CFAP161: variants seen among roughly 807,000 people sequenced by gnomAD.
CFAP161 encodes the protein cilia- and flagella-associated protein 161.
In CFAP161, 25 loss-of-function variants were observed where a neutral mutation model predicts 29.0. The observed-to-expected ratio is 0.86, with a 90% CI of 0.63 to 1.20. The LOEUF is 1.20. Ranked by LOEUF, CFAP161 falls within the 50% of genes most tolerant of loss-of-function variation. The pLI, the probability that CFAP161 is intolerant of heterozygous loss-of-function variation, is 0.00. For synonymous variants in CFAP161, 116 were observed against 137.4 expected, an observed-to-expected ratio of 0.84 and a Z score of 1.09; for missense variants, 367 against 371.9, an observed-to-expected ratio of 0.99 and a Z score of 0.11.
Position 81,149,098 on chromosome 15 carries a change from T to C in CFAP161, c.*565T>C, listed in dbSNP as rs1158379535. 2 of 152,272 alleles carry C rather than the reference T, an allele frequency of 1.3e-5. No individual in the cohort carries two copies. The highest frequency in any genetic ancestry group is 1.3e-4 in the Admixed American group (2 of 15,288). 9.4% of individuals were successfully genotyped at this position (152,272 alleles called of 1,614,324 possible). On this transcript the variant is annotated 3_prime_UTR_variant, in exon 7 of 7. Coordinates refer to ENST00000286732, the MANE Select transcript of CFAP161 (RefSeq NM_173528.4). The stretch of plus-strand genomic sequence containing the variant: ...TTTTTAAGCTGCAGAATCTCTACCT[T>C]GTCTTTGAAACTGGCACATTAGTTG...
upstream of CFAP161, among the ~76,000 whole-genome samples, chr15:81,133,709 G>A (rs1220373700): frequency 6.6e-6 from 1 of 152,080 alleles, no homozygotes; most frequent in African/African-American, 2.4e-5. Flanking sequence ...AGGGAGGGAG[G>A]GAGGATGCTG....
At chr15:81,126,159 A>T (rs1377000789) in intron 1 of CFAP161, among the ~76,000 whole-genome samples, 4 of 152,178 alleles carry the variant, frequency 2.6e-5, no homozygotes, top group African/African-American at 7.2e-5. Flanking sequence ...GCGAGCCACC[A>T]TGCCCGGCCA....
rs1385270913 is a variant in CFAP161, at chr15:81,146,878, A to T, written c.637-980A>T. ...TATATATATATATATATATATATAT[A>T]TATATTTAAAAAGCTACATACATCC... On this transcript the variant is annotated intron_variant, in intron 5 of 6. Transcript: ENST00000286732. Among the ~76,000 whole-genome samples the T allele has an allele frequency of 1.5e-4, 16 of 103,500 alleles. 1 individual carries two copies. The highest frequency in any genetic ancestry group is 5.9e-4 in the African/African-American group (15 of 25,336). The allele number at this position is 103,500 out of a possible 152,430, so 67.9% of individuals were successfully genotyped here.
At position 81,147,875 on chromosome 15, in the gene CFAP161, C is replaced by T. The variant is rs1235040017; in HGVS notation, c.654C>T (p.Leu218=). ...CTGTTAAGGCAAATGCTAAAATTCT[C>T]ATCAATCACTGTCACACAAATCGGG... ...GFPVPANAKI[L]INHCHTNRGL... is the part of the protein sequence containing the mutation. The change falls in exon 6 of 7, where the codon CTC becomes CTT. Residue 218 remains leucine (L), a synonymous_variant. Coordinates refer to ENST00000286732, the MANE Select transcript of CFAP161 (RefSeq NM_173528.4). 2.5e-6 allele frequency: 4 copies of T among 1,609,382 alleles called. No individual in the cohort carries two copies. Among genetic ancestry groups the T allele is most frequent in the Non-Finnish European group, 3.4e-6 (4 of 1,178,268 alleles).
In CFAP161 at chr15:81,121,951, G is replaced by A. The variant is rs931340862; in HGVS notation, c.-141-5639G>A. Among the ~76,000 whole-genome samples the A allele has an allele frequency of 3.9e-5, 6 of 152,206 alleles. 1 individual carries two copies. Among genetic ancestry groups the A allele is most frequent in the Admixed American group, 2.0e-4 (3 of 15,286 alleles). On this transcript the variant is annotated intron_variant, in intron 1 of 4. Transcript: ENST00000560091. Reference sequence around the variant, plus strand: ...CTCATCATTTAGCTCCTGCTTATGAGTGAGAACATGCAGTATTTGGTTTTC... The same window carrying A: ...CTCATCATTTAGCTCCTGCTTATGAATGAGAACATGCAGTATTTGGTTTTC...
upstream of CFAP161, chr15:81,134,195 A>T: frequency 9.5e-7 from 1 of 1,049,056 alleles, no homozygotes; most frequent in Non-Finnish European, 1.4e-6. Context: ...CCCCAGGGCG[A>T]GGGTGCGCGC....
chr15:81,113,559 C>T (rs754289893), intron 1 of CFAP161, among the ~76,000 whole-genome samples: 1 of 152,138 alleles, frequency 6.6e-6, no homozygotes, highest in African/African-American at 2.4e-5. Flanking sequence ...TAGAATGACT[C>T]ATAGAGCCAG....
At position 81,148,653 on chromosome 15, in the gene CFAP161, C is replaced by A. The variant is rs1895053026; in HGVS notation, c.*120C>A. On this transcript the variant is annotated 3_prime_UTR_variant, in exon 7 of 7. Coordinates refer to ENST00000286732, the MANE Select transcript of CFAP161 (RefSeq NM_173528.4). ...TGAATCAGATGTGGGACTCTCTGGG[C>A]ACTATATTAAAATAAAGATTACATT... 4.6e-6 allele frequency: 4 copies of A among 865,694 alleles called. No individual in the cohort carries two copies. The highest frequency in any genetic ancestry group is 5.0e-6 in the Non-Finnish European group (3 of 602,778). The allele number at this position is 865,694 out of a possible 1,614,324, so 53.6% of individuals were successfully genotyped here.
intron 1 of CFAP161, chr15:81,118,191 T>G: frequency 2.1e-6 from 1 of 472,352 alleles, no homozygotes; most frequent in Non-Finnish European, 3.9e-6. Flanking sequence ...TGAGTACAAA[T>G]TTTTTCAATT....
chr15:81,134,230 C>T (rs1320495344), upstream of CFAP161: 26 of 1,421,530 alleles, frequency 1.8e-5, no homozygotes, highest in South Asian at 3.2e-4. Context: ...CAGCAGGGTC[C>T]CAGACCTTGA....
chr15:81,111,330 C>T (rs975720533), intron 1 of CFAP161, among the ~76,000 whole-genome samples: 12 of 152,226 alleles, frequency 7.9e-5, no homozygotes, highest in Non-Finnish European at 1.2e-4. Context: ...AAAGGATTTG[C>T]CCATTGCAGT....
chr15:81,114,823 C>T (rs2460849), intron 1 of CFAP161, among the ~76,000 whole-genome samples: 77,291 of 151,790 alleles, frequency 0.51, 21,865 homozygotes, highest in Non-Finnish European at 0.66. Flanking sequence ...ACCACCACGC[C>T]CAGCTAATTT....
chr15:81,136,372 A>G, intron 2 of CFAP161, 144 bp from the exon 3 acceptor site: 1 of 684,214 alleles, frequency 1.5e-6, no homozygotes, highest in Non-Finnish European at 2.5e-6. Context: ...GGGAAGGGAA[A>G]GGAAGAAGGA....
intron 4 of CFAP161, among the ~76,000 whole-genome samples, chr15:81,139,032 C>A (rs772470348): frequency 8.5e-5 from 13 of 152,064 alleles, no homozygotes; most frequent in Non-Finnish European, 1.8e-4. Flanking sequence ...CTGGGTGCAG[C>A]GGCTCATGCC....
At position 81,135,319 on chromosome 15, in the gene CFAP161, T is replaced by G. The variant is rs1400875563; in HGVS notation, c.119T>G (p.Ile40Arg). The part of the protein sequence containing the change: ...LEKRDKGKLL[I>R]QRSRRLKQNL... ...AAGAGAGACAAGGGGAAACTTCTCA[T>G]ACAGAGAAGTAGAAGACTAAAACAG... Residue 40 changes from isoleucine (I) to arginine (R), a missense_variant, in exon 2 of 7, where the codon ATA becomes AGA. By Grantham distance (97) the Ile-to-Arg change is moderately conservative. Coordinates refer to ENST00000286732, the MANE Select transcript of CFAP161 (RefSeq NM_173528.4). The G allele has an allele frequency of 6.3e-7, 1 of 1,599,614 alleles. No individual in the cohort carries two copies. Among genetic ancestry groups the G allele is most frequent in the Non-Finnish European group, 8.5e-7 (1 of 1,176,208 alleles).
At position 81,134,487 on chromosome 15, in the gene CFAP161, G is replaced by C. The variant is rs566892134; in HGVS notation, c.69+89G>C. On this transcript the variant is annotated intron_variant, in intron 1 of 6. Transcript: ENST00000286732. Reference sequence around the variant, plus strand: ...CAGTCTCCTACTTTGAGCGCCTCAAGCCTCCTCTCTCTCCCAGCATACAGC... The same window carrying C: ...CAGTCTCCTACTTTGAGCGCCTCAACCCTCCTCTCTCTCCCAGCATACAGC... The C allele has an allele frequency of 1.5e-5, 19 of 1,307,944 alleles. No individual in the cohort carries two copies. The South Asian group carries it at 2.5e-4, about 17-fold the overall frequency. The allele number at this position is 1,307,944 out of a possible 1,614,324, so 81.0% of individuals were successfully genotyped here.
At chr15:81,130,113 C>G (rs940492631), upstream of CFAP161, among the ~76,000 whole-genome samples, 3 of 152,200 alleles carry the variant, frequency 2.0e-5, no homozygotes, top group Non-Finnish European at 4.4e-5. Flanking sequence ...TAAACCTTCT[C>G]TCAGTCTTTA....
intron 4 of CFAP161, among the ~76,000 whole-genome samples, 193 bp downstream of exon 4, chr15:81,138,328 T>C (rs938768384): frequency 6.6e-6 from 1 of 152,120 alleles, no homozygotes; most frequent in African/African-American, 2.4e-5. Context: ...ACTTCCCAAA[T>C]TACAAAAACT....
At chr15:81,131,149 A>G (rs1161452211), upstream of CFAP161, among the ~76,000 whole-genome samples, 1 of 151,876 alleles carries the variant, frequency 6.6e-6, no homozygotes, top group Non-Finnish European at 1.5e-5. Context: ...AAAAAAAAAA[A>G]AAAAAAGAAT....
Sources: allele counts gnomAD v4.1 joint callset (sites outside exome capture counted in the v4.1 genomes callset), GRCh38; gene constraint gnomAD v4.1.1; transcripts MANE v1.5; gene names NCBI Gene and HGNC (gene_info 2026-07-23, HGNC 2026-07-21).